The following MYO16 variants were observed in gnomAD, a reference collection of about 807,000 sequenced individuals.
MYO16 encodes myosin XVI.
In MYO16, 94 loss-of-function variants were observed where a neutral mutation model predicts 205.3. That is an observed-to-expected ratio of 0.46 (90% CI 0.39 to 0.54). The LOEUF (loss-of-function observed/expected upper bound fraction) is 0.54. Ranked by LOEUF, MYO16 falls within the 20% of genes least tolerant of loss-of-function variation. MYO16 has a pLI of 0.00. For missense variants in MYO16, 2,315 were observed against 2,387.5 expected (o/e 0.97, Z 0.63); for synonymous variants, 988 against 954.0 (o/e 1.04, Z -0.66).
intron 27 of MYO16, among the ~76,000 whole-genome samples, chr13:109,068,109 T>C (rs1388897459): frequency 6.6e-6 from 1 of 152,124 alleles, no homozygotes; most frequent in Admixed American, 6.6e-5. Flanking sequence ...AATTCAATAT[T>C]TTGAGAGTTG....
chr13:108,760,031 C>A (rs534655968), intron 4 of MYO16, among the ~76,000 whole-genome samples: 1 of 152,264 alleles, frequency 6.6e-6, no homozygotes, highest in African/African-American at 2.4e-5. Flanking sequence ...GGGTATCTGT[C>A]ACCTCAAACA....
At chr13:108,907,277 CAT>C (rs1446762792) in intron 15 of MYO16, among the ~76,000 whole-genome samples, 1 of 151,966 alleles carries the variant, frequency 6.6e-6, no homozygotes, top group African/African-American at 2.4e-5. Context: ...AATCTGCAAA[CAT>C]ATATATTTTT....
intron 9 of MYO16, among the ~76,000 whole-genome samples, chr13:108,830,114 A>G (rs1415754705): frequency 6.8e-5 from 9 of 131,784 alleles, no homozygotes; most frequent in African/African-American, 2.2e-4. Context: ...GAAACAACAG[A>G]TGCTGGAGAG....
At chr13:108,500,709 C>T in the MYO16 span, among the ~76,000 whole-genome samples, 2 of 152,180 alleles carry the variant, frequency 1.3e-5, no homozygotes, top group South Asian at 2.1e-4. Flanking sequence ...CATGCCCTGC[C>T]AGGGCTAAGG....
the MYO16 span, among the ~76,000 whole-genome samples, chr13:108,496,134 G>A: frequency 6.6e-6 from 1 of 152,222 alleles, no homozygotes; most frequent in Non-Finnish European, 1.5e-5. Context: ...GGGGGGCGTG[G>A]AGAGGAGGCT....
intron 1 of MYO16, among the ~76,000 whole-genome samples, chr13:108,648,392 T>G (rs1880849353): frequency 6.6e-6 from 1 of 152,178 alleles, no homozygotes; most frequent in African/African-American, 2.4e-5. Context: ...AGGGATTTTA[T>G]CTTCTACCTT....
intron 27 of MYO16, among the ~76,000 whole-genome samples, chr13:109,087,908 C>T (rs1888486354): frequency 6.6e-6 from 1 of 152,194 alleles, no homozygotes. Flanking sequence ...GCTTAAACAA[C>T]AAATGAACAT....
intron 4 of MYO16, among the ~76,000 whole-genome samples, chr13:108,762,501 A>G (rs1051661985): frequency 7.9e-5 from 12 of 151,238 alleles, no homozygotes; most frequent in Non-Finnish European, 1.3e-4. Flanking sequence ...CTTCACCAAC[A>G]TTTTTTTTTA....
intron 4 of MYO16, among the ~76,000 whole-genome samples, chr13:108,737,397 A>C (rs1392494932): frequency 1.3e-5 from 2 of 152,098 alleles, no homozygotes; most frequent in Non-Finnish European, 2.9e-5. Context: ...TGAGATAATC[A>C]TGTGGTTTTT....
rs1383813197 is a variant in MYO16, at chr13:108,840,021, T to A, written c.1098-4322T>A. ...TTATGTTATTAATCCTTCACTATAG[T>A]CCTTTTGCAATTTGGTTTTGCAGAA... On this transcript the variant is annotated intron_variant, in intron 9 of 34. Transcript: ENST00000457511. Among the ~76,000 whole-genome samples the A allele has an allele frequency of 4.6e-5, 7 of 152,312 alleles. No homozygotes were observed. In the East Asian group the frequency reaches 1.4e-3, roughly 29 times the overall value.
chr13:109,038,421 A>G, intron 23 of MYO16, among the ~76,000 whole-genome samples: 1 of 152,062 alleles, frequency 6.6e-6, no homozygotes, highest in Non-Finnish European at 1.5e-5. Flanking sequence ...TTGAGCTACA[A>G]TATCAATCTC....
chr13:108,698,584 G>T (rs1035373829), intron 2 of MYO16, among the ~76,000 whole-genome samples: 1 of 152,160 alleles, frequency 6.6e-6, no homozygotes, highest in African/African-American at 2.4e-5. Context: ...GGAAATGCAT[G>T]ATGAAACTGC....
chr13:108,581,404 ACTGT>A, the MYO16 span, among the ~76,000 whole-genome samples: 1 of 152,118 alleles, frequency 6.6e-6, no homozygotes, highest in Non-Finnish European at 1.5e-5. Context: ...AAACTCTATT[ACTGT>A]CTAATTCTTT....
intron 21 of MYO16, among the ~76,000 whole-genome samples, chr13:109,005,140 C>T (rs9521124): frequency 0.054 from 8,265 of 152,160 alleles, 306 homozygotes; most frequent in African/African-American, 0.096. Flanking sequence ...GGGAAGAAGA[C>T]GATACCAGGA....
At chr13:108,593,687 G>A (rs1311281912), upstream of MYO16, among the ~76,000 whole-genome samples, 1 of 152,112 alleles carries the variant, frequency 6.6e-6, no homozygotes, top group Non-Finnish European at 1.5e-5. Flanking sequence ...CCCAGGCTCT[G>A]CCTTTTTCAG....
intron 16 of MYO16, among the ~76,000 whole-genome samples, chr13:108,933,935 T>C (rs1280811327): frequency 6.6e-6 from 1 of 152,172 alleles, no homozygotes; most frequent in African/African-American, 2.4e-5. Context: ...ATGATTTCAT[T>C]CTTTTTTATG....
At chr13:108,691,708 G>T (rs574443794) in intron 2 of MYO16, among the ~76,000 whole-genome samples, 1 of 152,256 alleles carries the variant, frequency 6.6e-6, no homozygotes, top group South Asian at 2.1e-4. Context: ...AATTCAAGGG[G>T]ATACAGGATG....
At chr13:108,827,503 C>T (rs1361967644) in intron 9 of MYO16, among the ~76,000 whole-genome samples, 1 of 151,988 alleles carries the variant, frequency 6.6e-6, no homozygotes, top group African/African-American at 2.4e-5. Context: ...TTTGATTATC[C>T]CATATTTCAC....
At chr13:108,816,907 G>A (rs1875644373) in intron 7 of MYO16, among the ~76,000 whole-genome samples, 1 of 152,078 alleles carries the variant, frequency 6.6e-6, no homozygotes. Context: ...AGTAATAAAT[G>A]GACAAGAAAT....
Sources: allele counts gnomAD v4.1 joint callset (sites outside exome capture counted in the v4.1 genomes callset), GRCh38; gene constraint gnomAD v4.1.1; transcripts MANE v1.5; gene names NCBI Gene and HGNC (gene_info 2026-07-23, HGNC 2026-07-21).